The following GDE1 variants were observed in gnomAD, a reference collection of about 807,000 sequenced individuals.
The protein encoded by GDE1 is RGS16-interacting membrane protein.
Under a neutral mutation model 32.2 loss-of-function variants are expected in GDE1, and 24 were observed. The observed-to-expected ratio is 0.75, with a 90% confidence interval of 0.54 to 1.05. The LOEUF is 1.05. GDE1 is among the 50% of genes least tolerant of loss of function. The pLI is 0.00. For missense variants in GDE1, 380 were observed against 415.0 expected (o/e 0.92, Z 0.73); for synonymous variants, 159 against 158.6 (o/e 1.00, Z -0.02).
intron 2 of GDE1, among the ~76,000 whole-genome samples, 188 bp downstream of exon 2, chr16:19,516,826 G>A (rs561807674): frequency 1.3e-5 from 2 of 152,290 alleles, no homozygotes; most frequent in African/African-American, 4.8e-5. Context: ...TAGCCTCAGT[G>A]GGAAAGATTA....
chr16:19,510,847 C>T lies in GDE1; in HGVS notation c.535G>A (p.Ala179Thr). 1 of 1,543,914 alleles carries T rather than the reference C, an allele frequency of 6.5e-7. No homozygotes were observed. The highest frequency in any genetic ancestry group is 1.4e-5 in the African/African-American group (1 of 73,110). The change falls in exon 3 of 6, where the codon GCA (alanine) becomes ACA (threonine). Residue 179 changes from alanine to threonine, a missense_variant. Ala to Thr is a moderately conservative substitution (Grantham distance 58). Coordinates refer to ENST00000353258, the MANE Select transcript of GDE1 (RefSeq NM_016641.4). ...LTIFFDVKGH[A>T]HKATEALKKM... is the part of the protein sequence containing the mutation. Reference sequence around the variant, plus strand: ...CACAATTTAAACTGTACCTTGTGTGCATGGCCTTTGACATCAAAGAAGATT... The same window carrying T: ...CACAATTTAAACTGTACCTTGTGTGTATGGCCTTTGACATCAAAGAAGATT...
At chr16:19,513,353 AT>A (rs35956673) in intron 2 of GDE1, among the ~76,000 whole-genome samples, 19 of 146,942 alleles carry the variant, frequency 1.3e-4, no homozygotes, top group East Asian at 2.0e-4. Flanking sequence ...GTATTTTGTT[AT>A]TTTTTTTTTG....
Position 19,512,927 on chromosome 16 carries a change from T to TTGTGTGTGTGTGTGTG in GDE1, c.438-1999_438-1984dup, listed in dbSNP as rs144957791. 7.0e-3 allele frequency among the ~76,000 whole-genome samples: 961 copies of TTGTGTGTGTGTGTGTG among 137,066 alleles called. 10 individuals are homozygous for TTGTGTGTGTGTGTGTG. The highest frequency in any genetic ancestry group is 8.2e-3 in the Non-Finnish European group (532 of 64,666). The allele number at this position is 137,066 out of a possible 152,430, so 89.9% of individuals were successfully genotyped here. A position where few individuals can be genotyped will look rare whatever the true frequency, so the allele number is the denominator to read the frequency against. The stretch of plus-strand genomic sequence containing the variant: ...TATTCCACTGGTCTATGTATCTGTT[T>TTGTGTGTGTGTGTGTG]TGTGTGTGTGTGTGTGTGTGTGTGT... On this transcript the variant is annotated intron_variant, in intron 2 of 5. Coordinates refer to ENST00000353258, the MANE Select transcript of GDE1 (RefSeq NM_016641.4).
intron 3 of GDE1, among the ~76,000 whole-genome samples, chr16:19,509,121 G>A (rs980114746): frequency 2.6e-5 from 4 of 152,142 alleles, no homozygotes; most frequent in Non-Finnish European, 5.9e-5. Context: ...GGCCAACATG[G>A]CAAAACCCCA....
At chr16:19,520,735 AAAAAAG>A (rs1969442012) in intron 1 of GDE1, among the ~76,000 whole-genome samples, 1 of 145,240 alleles carries the variant, frequency 6.9e-6, no homozygotes. Context: ...GTAAAAAAAA[AAAAAAG>A]AAGAAGAAGG....
intron 3 of GDE1, among the ~76,000 whole-genome samples, chr16:19,509,350 T>C (rs911908420): frequency 6.6e-6 from 1 of 152,068 alleles, no homozygotes; most frequent in Non-Finnish European, 1.5e-5. Flanking sequence ...ATGGGTGAAA[T>C]GTAGGACCTA....
Position 19,517,163 on chromosome 16 carries a change from C to T in GDE1, c.288G>A (p.Val96=). Residue 96 remains valine, a synonymous_variant, in exon 2 of 6, where the codon GTG becomes GTA. Transcript: ENST00000353258. ...CAGAAGTAAACTCAATGTCCAACTCCACGCCTGTTGCTCCATTCTTAGCTG... is the reference window on the plus strand; with the variant it reads ...CAGAAGTAAACTCAATGTCCAACTCTACGCCTGTTGCTCCATTCTTAGCTG... ...RQAAKNGATG[V]ELDIEFTSDG... 6.2e-7 allele frequency: 1 copy of T among 1,613,812 alleles called. No individual in the cohort carries two copies. Among genetic ancestry groups the T allele is most frequent in the Non-Finnish European group, 8.5e-7 (1 of 1,179,706 alleles).
chr16:19,516,243 G>A (rs762405591), intron 2 of GDE1, among the ~76,000 whole-genome samples: 4 of 152,152 alleles, frequency 2.6e-5, no homozygotes, highest in Non-Finnish European at 4.4e-5. Context: ...GACATTGGGG[G>A]CAGCTAAAAA....
rs1969388175 is a variant in GDE1 at position 19,516,998 on chromosome 16, A to T, written c.437+16T>A. On this transcript the variant is annotated intron_variant, in intron 2 of 5. Transcript: ENST00000353258. ...AAAAGCTAAAAGATCTGTTTAAGTG[A>T]CAATAAACTACTTACCTGAGTCTGT... 1 of 1,609,130 alleles carries T rather than the reference A, an allele frequency of 6.2e-7. No individual in the cohort carries two copies. The highest frequency in any genetic ancestry group is 8.5e-7 in the Non-Finnish European group (1 of 1,175,756).
At chr16:19,516,455 C>T (rs739639) in intron 2 of GDE1, among the ~76,000 whole-genome samples, 81,167 of 151,960 alleles carry the variant, frequency 0.53, 23,795 homozygotes, top group South Asian at 0.73. Flanking sequence ...TTCACTTCCT[C>T]GTGTCACTAG....
At chr16:19,503,731 C>G in intron 5 of GDE1, 114 bp from the exon 6 acceptor site, 1 of 833,704 alleles carries the variant, frequency 1.2e-6, no homozygotes. Flanking sequence ...GAGAATGCCT[C>G]CTAACTGGCC....
At chr16:19,521,413 A>G (rs991824527) in intron 1 of GDE1, 1 of 418,796 alleles carries the variant, frequency 2.4e-6, no homozygotes, top group African/African-American at 2.0e-5. Context: ...TGCCTCCCCC[A>G]TTCCGATGTA....
chr16:19,519,713 A>G (rs1969425616), intron 1 of GDE1, among the ~76,000 whole-genome samples: 2 of 152,200 alleles, frequency 1.3e-5, no homozygotes, highest in African/African-American at 2.4e-5. Flanking sequence ...CTGGCCAGGC[A>G]GTGGCTCATG....
Position 19,504,812 on chromosome 16 carries a change from T to C in GDE1, c.848+69A>G, listed in dbSNP as rs901181962. 3.0e-6 allele frequency: 3 copies of C among 1,000,438 alleles called. No homozygotes were observed. The African/African-American group carries it at 4.8e-5, about 16-fold the overall frequency. 62.0% of individuals were successfully genotyped at this position (1,000,438 alleles called of 1,614,324 possible). On this transcript the variant is annotated intron_variant, in intron 5 of 5. Coordinates refer to ENST00000353258, the MANE Select transcript of GDE1 (RefSeq NM_016641.4). ...AACCAATTCAGGTTGTCTACTCTGTTAATCCTTCCTTTCAAATAAGAGCAT... is the reference window on the plus strand; with the variant it reads ...AACCAATTCAGGTTGTCTACTCTGTCAATCCTTCCTTTCAAATAAGAGCAT...
chr16:19,519,322 G>T (rs928186539), intron 1 of GDE1, among the ~76,000 whole-genome samples: 1 of 152,004 alleles, frequency 6.6e-6, no homozygotes, highest in Non-Finnish European at 1.5e-5. Context: ...TGAAAGGAGG[G>T]CAGGAGAGAT....
At chr16:19,505,187 G>T in intron 4 of GDE1, 95 bp from the exon 5 acceptor site, 1 of 822,520 alleles carries the variant, frequency 1.2e-6, no homozygotes, top group Non-Finnish European at 2.1e-6. Flanking sequence ...CAGATGAGGT[G>T]GTCATGGTTG....
At chr16:19,507,537 G>A in intron 4 of GDE1, 150 bp downstream of exon 4, 2 of 602,356 alleles carry the variant, frequency 3.3e-6, no homozygotes, top group East Asian at 2.8e-5. Context: ...TCCCCTTCTG[G>A]AATTTCTCTG....
chr16:19,505,812 C>T (rs1341990448), intron 4 of GDE1, among the ~76,000 whole-genome samples: 1 of 152,170 alleles, frequency 6.6e-6, no homozygotes, highest in Non-Finnish European at 1.5e-5. Flanking sequence ...AATGTATGCT[C>T]TGTTGGTCAC....
At chr16:19,519,302 T>C (rs1969419394) in intron 1 of GDE1, among the ~76,000 whole-genome samples, 1 of 151,990 alleles carries the variant, frequency 6.6e-6, no homozygotes, top group African/African-American at 2.4e-5. Flanking sequence ...CAGTCCTGCC[T>C]TGGGGTAGGT....
Sources: allele counts gnomAD v4.1 joint callset (sites outside exome capture counted in the v4.1 genomes callset), GRCh38; gene constraint gnomAD v4.1.1; transcripts MANE v1.5; gene names NCBI Gene and HGNC (gene_info 2026-07-23, HGNC 2026-07-21).